Variants in EFCAB13 observed in about 807,000 individuals in gnomAD.
EFCAB13 encodes the protein EF-hand calcium-binding domain-containing protein 13.
A neutral mutation model predicts 110.2 loss-of-function variants in EFCAB13; 91 were observed. The observed-to-expected ratio is 0.83, with a 90% confidence interval of 0.70 to 0.98. The LOEUF (loss-of-function observed/expected upper bound fraction) is 0.98, where lower values mean the gene tolerates loss of function less well. Ranked by LOEUF, EFCAB13 falls within the 50% of genes least tolerant of loss-of-function variation. The probability of loss-of-function intolerance (pLI) is 0.00; values close to 1 mark genes in which losing one functional copy is unlikely to be tolerated. For missense variants in EFCAB13, 968 were observed against 1,119.4 expected, an observed-to-expected ratio of 0.86 and a Z score of 1.93; for synonymous variants, 323 against 369.9, an observed-to-expected ratio of 0.87 and a Z score of 1.45.
intron 4 of EFCAB13, among the ~76,000 whole-genome samples, chr17:47,330,205 G>A (rs1199502450): frequency 1.3e-5 from 2 of 149,324 alleles, no homozygotes; most frequent in African/African-American, 4.9e-5. Flanking sequence ...TTTTTGGGGG[G>A]GTGGGGAGTG....
At chr17:47,408,467 A>G (rs907905572) in intron 20 of EFCAB13, among the ~76,000 whole-genome samples, 1 of 152,146 alleles carries the variant, frequency 6.6e-6, no homozygotes, top group African/African-American at 2.4e-5. Context: ...TCTGACCAAC[A>G]TGGTGAAATC....
intron 5 of EFCAB13, among the ~76,000 whole-genome samples, chr17:47,340,664 G>A (rs1185854523): frequency 2.7e-5 from 4 of 150,864 alleles, no homozygotes; most frequent in African/African-American, 9.8e-5. Context: ...GTGCAGTGAT[G>A]CGATCTTGGC....
At chr17:47,419,992 T>C (rs1302398515) in intron 23 of EFCAB13, among the ~76,000 whole-genome samples, 2 of 151,930 alleles carry the variant, frequency 1.3e-5, no homozygotes, top group Admixed American at 6.5e-5. Flanking sequence ...CTCCCTCTGA[T>C]GCCGAGCGGA....
chr17:47,390,918 A>ATCTATCTG (rs1311884075), intron 14 of EFCAB13, among the ~76,000 whole-genome samples: 1 of 149,666 alleles, frequency 6.7e-6, no homozygotes, highest in Non-Finnish European at 1.5e-5. Context: ...CTGTCTGTCT[A>ATCTATCTG]TCTATCTATC....
intron 24 of EFCAB13, among the ~76,000 whole-genome samples, chr17:47,437,129 T>C (rs1905229888): frequency 6.6e-6 from 1 of 152,116 alleles, no homozygotes; most frequent in Non-Finnish European, 1.5e-5. Context: ...AGAGAGTGCT[T>C]GATATAATTT....
chr17:47,392,528 G>C (rs2065713774), intron 15 of EFCAB13, among the ~76,000 whole-genome samples: 1 of 152,138 alleles, frequency 6.6e-6, no homozygotes, highest in South Asian at 2.1e-4. Context: ...GTGACTAAAA[G>C]AGTGTGAGAA....
At chr17:47,384,165 T>G (rs867259494) in intron 14 of EFCAB13, among the ~76,000 whole-genome samples, 2 of 151,400 alleles carry the variant, frequency 1.3e-5, no homozygotes, top group East Asian at 1.9e-4. Flanking sequence ...TTTGTTTTTT[T>G]TTTTTTGCTT....
chr17:47,338,412 G>T (rs1368389404), intron 5 of EFCAB13, among the ~76,000 whole-genome samples: 1 of 151,880 alleles, frequency 6.6e-6, no homozygotes. Context: ...ACCACGCCTG[G>T]CTAATTTTTA....
intron 23 of EFCAB13, among the ~76,000 whole-genome samples, chr17:47,417,546 T>C (rs778447014): frequency 6.6e-6 from 1 of 152,244 alleles, no homozygotes; most frequent in Non-Finnish European, 1.5e-5. Flanking sequence ...TTCTATGCCT[T>C]CTTCCTTACC....
In EFCAB13 at chr17:47,424,874, C is replaced by CTTTTTTTTTTTTTTT. The variant is rs548271723; in HGVS notation, c.2495-4932_2495-4918dup. Among the ~76,000 whole-genome samples the CTTTTTTTTTTTTTTT allele has an allele frequency of 6.0e-3, 221 of 36,890 alleles. 57 individuals are homozygous for CTTTTTTTTTTTTTTT. The highest frequency in any genetic ancestry group is 0.011 in the African/African-American group (87 of 8,112). The allele number at this position is 36,890 out of a possible 152,430, so 24.2% of individuals were successfully genotyped here. ...AGGATTTCTTTCTCCGGTTGACAAT[C>CTTTTTTTTTTTTTTT]TTTTTTTTTTTTTTTTTTTTTTTTT... On this transcript the variant is annotated intron_variant, in intron 23 of 24. Transcript: ENST00000331493.
chr17:47,402,101 G>GT, intron 17 of EFCAB13, 31 bp from the exon 18 acceptor site: 1 of 1,591,404 alleles, frequency 6.3e-7, no homozygotes, highest in Non-Finnish European at 8.6e-7. Context: ...GCGTAATGAG[G>GT]TTGGTCTATT....
intron 24 of EFCAB13, chr17:47,430,167 C>T (rs1169139754): frequency 1.7e-6 from 2 of 1,180,816 alleles, no homozygotes; most frequent in African/African-American, 1.6e-5. Flanking sequence ...CATCTTATCC[C>T]TGTGTGAGTC....
At chr17:47,417,620 G>A (rs1008536678) in intron 23 of EFCAB13, among the ~76,000 whole-genome samples, 1 of 152,122 alleles carries the variant, frequency 6.6e-6, no homozygotes, top group African/African-American at 2.4e-5. Context: ...CCTCTGGTGT[G>A]GTGTATATTA....
chr17:47,332,243 G>A (rs1012518656), intron 4 of EFCAB13, among the ~76,000 whole-genome samples: 4 of 151,762 alleles, frequency 2.6e-5, no homozygotes, highest in Non-Finnish European at 5.9e-5. Flanking sequence ...TCAGTGTTTT[G>A]GGTTATTGCC....
rs556651033 is a variant in EFCAB13, at chr17:47,387,954, G to T, written c.1583-3483G>T. 1.6e-3 allele frequency among the ~76,000 whole-genome samples: 239 copies of T among 152,318 alleles called. 1 individual carries two copies. Among genetic ancestry groups the T allele is most frequent in the Admixed American group, 1.6e-3 (25 of 15,304 alleles). On this transcript the variant is annotated intron_variant, in intron 14 of 24. Transcript: ENST00000331493. ...AGTCCTGCATGTCTCAAATGGGGAG[G>T]TCTCAAAAGCGATACTCTAGCTGTG...
intron 13 of EFCAB13, 80 bp downstream of exon 13, chr17:47,377,983 C>T: frequency 7.6e-7 from 1 of 1,309,768 alleles, no homozygotes; most frequent in South Asian, 1.6e-5. Context: ...AGGAATTCCT[C>T]TCAATTAGAA....
intron 14 of EFCAB13, among the ~76,000 whole-genome samples, chr17:47,380,762 G>T (rs995218252): frequency 2.0e-5 from 3 of 151,860 alleles, no homozygotes; most frequent in African/African-American, 7.3e-5. Flanking sequence ...ACTTTTTAAT[G>T]ATCGCCATTC....
intron 23 of EFCAB13, among the ~76,000 whole-genome samples, chr17:47,426,742 T>C (rs1904976519): frequency 6.6e-6 from 1 of 152,172 alleles, no homozygotes; most frequent in Non-Finnish European, 1.5e-5. Flanking sequence ...CAATTGGCGA[T>C]GCATATATGG....
chr17:47,399,017 G>A (rs1367506452), intron 17 of EFCAB13, among the ~76,000 whole-genome samples: 3 of 152,242 alleles, frequency 2.0e-5, no homozygotes, highest in East Asian at 3.9e-4. Flanking sequence ...TCTGCCTCCC[G>A]GTTCAAGCGA....
Sources: gnomAD v4.1 joint callset for allele counts (sites outside exome capture counted in the v4.1 genomes callset) on GRCh38, gnomAD v4.1.1 for gene constraint, MANE v1.5 for transcripts, NCBI Gene and HGNC (gene_info 2026-07-23, HGNC 2026-07-21) for gene names.